Variants in ZNF407 observed in about 807,000 individuals in gnomAD.
The protein encoded by ZNF407 is zinc finger protein 407.
A neutral mutation model predicts 131.2 loss-of-function variants in ZNF407; 17 were observed. The observed-to-expected ratio is 0.13, with a 90% confidence interval of 0.09 to 0.19. The LOEUF is 0.19. ZNF407 is among the 10% of genes least tolerant of loss of function. ZNF407 has a pLI of 1.00. For missense variants in ZNF407, 2,681 were observed against 2,830.6 expected (o/e 0.95, Z 1.20); for synonymous variants, 1,156 against 1,062.0 (o/e 1.09, Z -1.72).
intron 8 of ZNF407, among the ~76,000 whole-genome samples, chr18:74,940,517 C>T (rs923260000): frequency 1.3e-5 from 2 of 151,992 alleles, no homozygotes; most frequent in Non-Finnish European, 1.5e-5. Context: ...GCGCTCAGGG[C>T]TAATAGGGGC....
chr18:74,637,818 A>G (rs1984528133), intron 2 of ZNF407, among the ~76,000 whole-genome samples: 1 of 152,208 alleles, frequency 6.6e-6, no homozygotes, highest in Non-Finnish European at 1.5e-5. Context: ...TATATGTTTT[A>G]TATAACCTTT....
Position 75,064,579 on chromosome 18 carries a change from C to A in ZNF407, c.*111C>A, listed in dbSNP as rs529377986. On this transcript the variant is annotated 3_prime_UTR_variant, in exon 9 of 9. Transcript: ENST00000299687. Reference sequence around the variant, plus strand: ...AACCTTCAAAACCATGAGGACAAGGCTCCCGTGAGCTCTGAGCATGCCCTC... The same window carrying A: ...AACCTTCAAAACCATGAGGACAAGGATCCCGTGAGCTCTGAGCATGCCCTC... The A allele has an allele frequency of 1.1e-5, 11 of 1,010,532 alleles. No homozygotes were observed. In the African/African-American group the frequency reaches 1.5e-4, roughly 13 times the overall value. 62.6% of individuals were successfully genotyped at this position (1,010,532 alleles called of 1,614,324 possible).
rs1984208081 is a variant in ZNF407 at position 74,632,972 on chromosome 18, A to G, written c.1953A>G (p.Ser651=). The change falls in exon 2 of 9, where the codon TCA becomes TCG. Residue 651 remains serine, a synonymous_variant. Coordinates refer to ENST00000299687, the MANE Select transcript of ZNF407 (RefSeq NM_017757.3). ...TGGTTCAACCAAAGACTTTGCAATC[A>G]TCTAACAGTGATTTGGTTTTACAGA... ...NSLVQPKTLQ[S]SNSDLVLQTL... 3 of 1,613,746 alleles carry G rather than the reference A, an allele frequency of 1.9e-6. No individual in the cohort carries two copies. The highest frequency in any genetic ancestry group is 2.5e-6 in the Non-Finnish European group (3 of 1,179,826).
At chr18:74,915,587 A>G (rs1456309683) in intron 7 of ZNF407, among the ~76,000 whole-genome samples, 5 of 101,030 alleles carry the variant, frequency 4.9e-5, no homozygotes, top group Non-Finnish European at 9.6e-5. Flanking sequence ...GTGTGCTGGT[A>G]TGGTGAGGTT....
intron 8 of ZNF407, among the ~76,000 whole-genome samples, chr18:75,025,803 A>G (rs1443464715): frequency 6.6e-6 from 1 of 152,196 alleles, no homozygotes; most frequent in South Asian, 2.1e-4. Context: ...TGAACGTAGT[A>G]ATTAGTCATT....
At chr18:74,974,649 A>T (rs187768541) in intron 8 of ZNF407, among the ~76,000 whole-genome samples, 162 of 152,306 alleles carry the variant, frequency 1.1e-3, no homozygotes, top group African/African-American at 3.4e-3. Flanking sequence ...TTATTTTTTT[A>T]AAAATTCTGT....
intron 8 of ZNF407, among the ~76,000 whole-genome samples, chr18:75,001,995 C>T (rs1568297354): frequency 6.6e-6 from 1 of 152,168 alleles, no homozygotes; most frequent in Non-Finnish European, 1.5e-5. Context: ...ATACCAGAGT[C>T]ACCCAGTCCA....
chr18:74,932,558 C>T (rs1971994550), intron 8 of ZNF407, among the ~76,000 whole-genome samples: 1 of 152,128 alleles, frequency 6.6e-6, no homozygotes, highest in African/African-American at 2.4e-5. Flanking sequence ...TCCTGAATGA[C>T]TTTTGACTTA....
rs117621769 is a variant in ZNF407 at position 74,826,965 on chromosome 18, A to G, written c.4877+45463A>G. 1.9e-3 allele frequency among the ~76,000 whole-genome samples: 292 copies of G among 152,292 alleles called. 6 individuals are homozygous for G. In the East Asian group the frequency reaches 0.047, roughly 24 times the overall value. On this transcript the variant is annotated intron_variant, in intron 4 of 8. Coordinates refer to ENST00000299687, the MANE Select transcript of ZNF407 (RefSeq NM_017757.3). ...TGAACATCATACAAGGAATTTCTGTATTTTCTTTGTCCAGAGACCCCATTC... is the reference window on the plus strand; with the variant it reads ...TGAACATCATACAAGGAATTTCTGTGTTTTCTTTGTCCAGAGACCCCATTC...
intron 3 of ZNF407, among the ~76,000 whole-genome samples, chr18:74,777,721 A>G (rs996647358): frequency 1.4e-4 from 18 of 126,680 alleles, no homozygotes; most frequent in Admixed American, 8.3e-4. Flanking sequence ...GAGACTGTTG[A>G]TCGATCGCAC....
intron 7 of ZNF407, among the ~76,000 whole-genome samples, chr18:74,894,664 A>C (rs899410013): frequency 2.0e-5 from 3 of 152,164 alleles, no homozygotes; most frequent in African/African-American, 7.2e-5. Flanking sequence ...GATATATAAT[A>C]AATGCATATT....
intron 1 of ZNF407, among the ~76,000 whole-genome samples, chr18:74,624,752 T>C (rs921261536): frequency 8.5e-5 from 13 of 152,230 alleles, no homozygotes; most frequent in African/African-American, 3.1e-4. Context: ...AGAGCTTTCT[T>C]ACGTGCTCGT....
intron 3 of ZNF407, among the ~76,000 whole-genome samples, chr18:74,754,664 T>C (rs1204816012): frequency 6.6e-6 from 1 of 152,158 alleles, no homozygotes; most frequent in Non-Finnish European, 1.5e-5. Context: ...TGGTTTCGAG[T>C]GTGTTTCTTA....
chr18:74,881,654 G>C (rs1971240248), intron 6 of ZNF407, among the ~76,000 whole-genome samples: 4 of 152,266 alleles, frequency 2.6e-5, no homozygotes, highest in African/African-American at 7.2e-5. Flanking sequence ...AGTCATTGCT[G>C]TTTCAGTTGT....
chr18:74,859,999 G>A (rs554255183), intron 4 of ZNF407, among the ~76,000 whole-genome samples: 1 of 152,256 alleles, frequency 6.6e-6, no homozygotes, highest in Admixed American at 6.5e-5. Flanking sequence ...CTACTGCCTA[G>A]CTTTGTCTTA....
intron 4 of ZNF407, among the ~76,000 whole-genome samples, chr18:74,782,473 T>G (rs1239112401): frequency 6.6e-6 from 1 of 152,204 alleles, no homozygotes; most frequent in Non-Finnish European, 1.5e-5. Context: ...GGGCATAGAC[T>G]GCTACTGAGT....
Position 74,789,614 on chromosome 18 carries a change from ACT to A in ZNF407, c.4877+8115_4877+8116del, listed in dbSNP as rs1447066211. On this transcript the variant is annotated intron_variant, in intron 4 of 8. Coordinates refer to ENST00000299687, the MANE Select transcript of ZNF407 (RefSeq NM_017757.3). ...AAGTTGAGAACTCCTTGGAACTGTA[ACT>A]CTGACAGCGTGCAGTGCAGAGCCCA... Among the ~76,000 whole-genome samples the A allele has an allele frequency of 8.6e-5, 13 of 151,962 alleles. 1 individual carries two copies. Among genetic ancestry groups the A allele is most frequent in the African/African-American group, 2.9e-4 (12 of 41,368 alleles).
chr18:74,970,407 G>A (rs1345425065), intron 8 of ZNF407, among the ~76,000 whole-genome samples: 4 of 152,188 alleles, frequency 2.6e-5, no homozygotes, highest in Admixed American at 2.0e-4. Context: ...TTCCGCCTAT[G>A]AGCCTGTAAA....
chr18:74,605,753 C>T (rs963078065), intron 1 of ZNF407, among the ~76,000 whole-genome samples: 4 of 152,046 alleles, frequency 2.6e-5, no homozygotes, highest in African/African-American at 9.7e-5. Context: ...AAAAAATTAA[C>T]TTTATTATGA....
Sources: gnomAD v4.1 joint callset for allele counts (sites outside exome capture counted in the v4.1 genomes callset) on GRCh38, gnomAD v4.1.1 for gene constraint, MANE v1.5 for transcripts, NCBI Gene and HGNC (gene_info 2026-07-23, HGNC 2026-07-21) for gene names.